SLCO5A1: variants seen among roughly 807,000 people sequenced by gnomAD.
SLCO5A1 encodes the protein organic anion transporter polypeptide-related protein 4.
SLCO5A1 carries 39 observed loss-of-function variants against 65.1 expected under a neutral mutation model. That is an observed-to-expected ratio of 0.60 (90% CI 0.46 to 0.78). The LOEUF (loss-of-function observed/expected upper bound fraction) is 0.78, where lower values mean the gene tolerates loss of function less well. Among genes scored for constraint, SLCO5A1 ranks in the 30% least tolerant of loss-of-function variants. The probability of loss-of-function intolerance (pLI) is 0.00; values close to 1 mark genes in which losing one functional copy is unlikely to be tolerated. For missense variants in SLCO5A1, 1,029 were observed against 1,069.4 expected, an observed-to-expected ratio of 0.96 and a Z score of 0.53; for synonymous variants, 438 against 415.7, an observed-to-expected ratio of 1.05 and a Z score of -0.65.
At chr8:69,749,753 C>A (rs12386983) in intron 4 of SLCO5A1, among the ~76,000 whole-genome samples, 20,102 of 88,954 alleles carry the variant, frequency 0.23, 2,170 homozygotes, top group African/African-American at 0.34. Flanking sequence ...AAAAAAAAAA[C>A]ATTCCTGTCT....
chr8:69,739,284 C>G (rs1045125900), intron 4 of SLCO5A1, among the ~76,000 whole-genome samples: 1 of 152,028 alleles, frequency 6.6e-6, no homozygotes. Flanking sequence ...ACGTCATATC[C>G]AAAATTTAGA....
At chr8:69,721,819 T>C (rs1035734200) in intron 5 of SLCO5A1, among the ~76,000 whole-genome samples, 2 of 152,216 alleles carry the variant, frequency 1.3e-5, no homozygotes, top group Non-Finnish European at 2.9e-5. Flanking sequence ...GTTTACCCCC[T>C]TATTGTCTTC....
At chr8:69,727,156 T>G (rs1816120218) in intron 5 of SLCO5A1, among the ~76,000 whole-genome samples, 2 of 152,150 alleles carry the variant, frequency 1.3e-5, no homozygotes, top group African/African-American at 4.8e-5. Context: ...ATGGCTTCCC[T>G]GTGCATAGTG....
At chr8:69,743,999 C>G (rs571632942) in intron 4 of SLCO5A1, among the ~76,000 whole-genome samples, 12 of 152,252 alleles carry the variant, frequency 7.9e-5, no homozygotes, top group African/African-American at 2.9e-4. Flanking sequence ...AGCTCAATGG[C>G]AATGGGCACA....
rs180791780 is a variant in SLCO5A1 at position 69,699,465 on chromosome 8, T to C, written c.1622+5566A>G. Among the ~76,000 whole-genome samples, 195 of 152,260 alleles carry C rather than the reference T, an allele frequency of 1.3e-3. No individual in the cohort carries two copies. The Middle Eastern group carries it at 0.027, about 21-fold the overall frequency. On this transcript the variant is annotated intron_variant, in intron 6 of 9. Coordinates refer to ENST00000260126, the MANE Select transcript of SLCO5A1 (RefSeq NM_030958.3). ...CTGAAGCACCTCAGAGGTAAGCCCTTGGGTTCTGACACTGCAGCACCCTGA... is the reference window on the plus strand; with the variant it reads ...CTGAAGCACCTCAGAGGTAAGCCCTCGGGTTCTGACACTGCAGCACCCTGA...
At chr8:69,763,207 G>T (rs1817878639) in intron 2 of SLCO5A1, among the ~76,000 whole-genome samples, 1 of 152,016 alleles carries the variant, frequency 6.6e-6, no homozygotes, top group South Asian at 2.1e-4. Flanking sequence ...TACTTGGGAA[G>T]CTGAGGCAGG....
intron 2 of SLCO5A1, chr8:69,794,751 AT>A (rs1412168482): frequency 1.5e-5 from 3 of 196,482 alleles, no homozygotes; most frequent in African/African-American, 7.1e-5. Flanking sequence ...CTCTAAAGAA[AT>A]AGCTGAGACT....
Position 69,761,729 on chromosome 8 carries a change from A to G in SLCO5A1, c.1040+14T>C. ...GTAAGAACTGAAATTTAAAAATTAG[A>G]AAACAGAACTTACCAGTTTCCAATG... On this transcript the variant is annotated intron_variant, in intron 3 of 9. Transcript: ENST00000260126. 6.2e-7 allele frequency: 1 copy of G among 1,607,794 alleles called. No individual in the cohort carries two copies. The highest frequency in any genetic ancestry group is 8.5e-7 in the Non-Finnish European group (1 of 1,178,672).
intron 5 of SLCO5A1, among the ~76,000 whole-genome samples, chr8:69,732,032 G>C (rs1424252565): frequency 6.6e-6 from 1 of 152,124 alleles, no homozygotes; most frequent in African/African-American, 2.4e-5. Flanking sequence ...TTATATAAAA[G>C]CTGTTGATGC....
rs118073377 is a variant in SLCO5A1 at position 69,761,577 on chromosome 8, G to A, written c.1040+166C>T. 949 of 654,776 alleles carry A rather than the reference G, an allele frequency of 1.4e-3. 6 individuals are homozygous for A. The East Asian group carries it at 0.019, about 13-fold the overall frequency. 40.6% of individuals were successfully genotyped at this position (654,776 alleles called of 1,614,324 possible). ...ACATATTCATAGGTTCTGGGGATTA[G>A]GACGTAGCTTTCTTTGGGATGTTAT... On this transcript the variant is annotated intron_variant, in intron 3 of 9. Coordinates refer to ENST00000260126, the MANE Select transcript of SLCO5A1 (RefSeq NM_030958.3).
In SLCO5A1 at chr8:69,818,435, A is replaced by C. The variant is rs143660843; in HGVS notation, c.907+13332T>G. 2.9e-3 allele frequency among the ~76,000 whole-genome samples: 443 copies of C among 152,360 alleles called. 2 individuals are homozygous for C. The highest frequency in any genetic ancestry group is 0.01 in the African/African-American group (417 of 41,588). The stretch of plus-strand genomic sequence containing the variant: ...CCAGGTTTATAGAAACAGAATCTGC[A>C]TCTTGACAAGATCCCCTGAGAGTCT... On this transcript the variant is annotated intron_variant, in intron 2 of 9. Coordinates refer to ENST00000260126, the MANE Select transcript of SLCO5A1 (RefSeq NM_030958.3).
chr8:69,686,909 G>A (rs1418735804), intron 6 of SLCO5A1, among the ~76,000 whole-genome samples: 2 of 152,196 alleles, frequency 1.3e-5, no homozygotes, highest in African/African-American at 4.8e-5. Flanking sequence ...CACAAGTGCT[G>A]TGAATTTCAG....
At position 69,673,103 on chromosome 8, in the gene SLCO5A1, C is replaced by T. The variant is rs753675198; in HGVS notation, c.2313G>A (p.Arg771=). Residue 771 remains arginine (R), a synonymous_variant, in exon 10 of 10, where the codon AGG becomes AGA. Transcript: ENST00000260126. ...CGGTGCTCAGGGGAAATTCTCTCTG[C>T]CTCCGCCTCTGCAGTCCATCCTCCT... ...KYKEDGLQRR[R]QREFPLSTVS... 3 of 1,614,244 alleles carry T rather than the reference C, an allele frequency of 1.9e-6. No homozygotes were observed. The highest frequency in any genetic ancestry group is 2.5e-6 in the Non-Finnish European group (3 of 1,180,040).
In SLCO5A1 at chr8:69,705,167, A is replaced by G; in HGVS notation, c.1486T>C (p.Leu496=). The change falls in exon 6 of 10, where the codon TTG becomes CTG. Residue 496 remains leucine (L), a synonymous_variant. Transcript: ENST00000260126. ...IVLGGYIIKK[L]KLGARESAKL... is the part of the protein sequence containing the mutation. ...GCAGATTCTCTGGCACCAAGTTTCA[A>G]TTTTTTTATAATGTAGCCTCCGAGG... The G allele has an allele frequency of 6.2e-7, 1 of 1,614,146 alleles. No individual in the cohort carries two copies. The highest frequency in any genetic ancestry group is 8.5e-7 in the Non-Finnish European group (1 of 1,180,018).
chr8:69,793,443 CT>C (rs531970252), intron 2 of SLCO5A1, among the ~76,000 whole-genome samples: 225 of 151,808 alleles, frequency 1.5e-3, no homozygotes, highest in Non-Finnish European at 2.2e-3. Context: ...TCCTTTGAGT[CT>C]TTTTTTTCCT....
At chr8:69,793,378 A>G (rs986139084) in intron 2 of SLCO5A1, among the ~76,000 whole-genome samples, 5 of 152,314 alleles carry the variant, frequency 3.3e-5, no homozygotes, top group African/African-American at 1.2e-4. Flanking sequence ...ATCCAAAGAA[A>G]TAAAAGTCAT....
chr8:69,670,230 G>A lies in SLCO5A1; in HGVS notation c.*2639C>T, dbSNP rs981910119. 1.3e-5 allele frequency: 2 copies of A among 152,212 alleles called. No individual in the cohort carries two copies. The highest frequency in any genetic ancestry group is 4.8e-5 in the African/African-American group (2 of 41,450). The allele number at this position is 152,212 out of a possible 1,614,324, so 9.4% of individuals were successfully genotyped here. A position where few individuals can be genotyped will look rare whatever the true frequency, so the allele number is the denominator to read the frequency against. ...GTAATTTGAAGCCTAAGCTCATGGA[G>A]AGTCTTCATTAAAACTTCTAATAGG... On this transcript the variant is annotated 3_prime_UTR_variant, in exon 10 of 10. Coordinates refer to ENST00000260126, the MANE Select transcript of SLCO5A1 (RefSeq NM_030958.3).
intron 2 of SLCO5A1, among the ~76,000 whole-genome samples, chr8:69,776,178 T>C (rs1315564909): frequency 2.0e-5 from 3 of 152,188 alleles, no homozygotes; most frequent in African/African-American, 7.2e-5. Context: ...TGGACACTAA[T>C]TCCCATATAT....
intron 3 of SLCO5A1, among the ~76,000 whole-genome samples, chr8:69,758,635 A>T (rs372683384): frequency 6.6e-6 from 1 of 152,338 alleles, no homozygotes; most frequent in South Asian, 2.1e-4. Flanking sequence ...ACAAAAAAAT[A>T]CAAAAATAAT....
Sources: allele counts gnomAD v4.1 joint callset (sites outside exome capture counted in the v4.1 genomes callset), GRCh38; gene constraint gnomAD v4.1.1; transcripts MANE v1.5; gene names NCBI Gene and HGNC (gene_info 2026-07-23, HGNC 2026-07-21).